FBXL7: variants seen among roughly 807,000 people sequenced by gnomAD.
FBXL7 encodes F-box/LRR-repeat protein 7.
A neutral mutation model predicts 38.3 loss-of-function variants in FBXL7; 12 were observed. The ratio of observed to expected loss-of-function variants is 0.31; its 90% CI spans 0.20 to 0.51. FBXL7 has a LOEUF of 0.51. Ranked by LOEUF, FBXL7 falls within the 20% of genes least tolerant of loss-of-function variation. The pLI, the probability that FBXL7 is intolerant of heterozygous loss-of-function variation, is 0.98. For synonymous variants in FBXL7, 297 were observed against 300.9 expected (o/e 0.99, Z 0.13); for missense variants, 567 against 676.4 (o/e 0.84, Z 1.79).
At chr5:15,757,453 T>G (rs1480386532) in intron 2 of FBXL7, among the ~76,000 whole-genome samples, 1 of 151,870 alleles carries the variant, frequency 6.6e-6, no homozygotes, top group African/African-American at 2.4e-5. Context: ...AAGAGAGTTA[T>G]GGAGTCCAGA....
At chr5:15,663,605 T>A (rs1742164189) in intron 2 of FBXL7, among the ~76,000 whole-genome samples, 1 of 152,182 alleles carries the variant, frequency 6.6e-6, no homozygotes, top group Non-Finnish European at 1.5e-5. Flanking sequence ...TTTAGTTCTG[T>A]GTATGTGATG....
At chr5:15,619,082 C>T (rs565017575) in intron 2 of FBXL7, among the ~76,000 whole-genome samples, 21 of 152,260 alleles carry the variant, frequency 1.4e-4, no homozygotes, top group African/African-American at 5.1e-4. Context: ...GGGTGGTCTT[C>T]CTGCATGCGC....
chr5:15,634,363 C>G (rs1481981526), intron 2 of FBXL7, among the ~76,000 whole-genome samples: 2 of 140,136 alleles, frequency 1.4e-5, no homozygotes, highest in African/African-American at 5.3e-5. Flanking sequence ...GTTCTGTTGC[C>G]CAGTCTGGAG....
At chr5:15,534,249 T>C (rs1357651561) in intron 1 of FBXL7, among the ~76,000 whole-genome samples, 1 of 152,164 alleles carries the variant, frequency 6.6e-6, no homozygotes, top group Non-Finnish European at 1.5e-5. Context: ...TCTTGACAAA[T>C]GTATAGTGAC....
At chr5:15,549,706 A>G (rs1414236033) in intron 1 of FBXL7, among the ~76,000 whole-genome samples, 3 of 152,202 alleles carry the variant, frequency 2.0e-5, no homozygotes, top group Non-Finnish European at 2.9e-5. Flanking sequence ...ATAAGTAGCT[A>G]CATAATATCC....
At chr5:15,554,261 G>A (rs1245148689) in intron 1 of FBXL7, among the ~76,000 whole-genome samples, 3 of 152,124 alleles carry the variant, frequency 2.0e-5, no homozygotes, top group East Asian at 3.9e-4. Flanking sequence ...AGGTGGCAGA[G>A]CTGGAATGGG....
chr5:15,599,866 G>A (rs891955760), intron 1 of FBXL7, among the ~76,000 whole-genome samples: 1 of 152,186 alleles, frequency 6.6e-6, no homozygotes, highest in African/African-American at 2.4e-5. Flanking sequence ...AGAAAGGGTT[G>A]CAGCCTGCAG....
At chr5:15,841,667 T>G (rs1738749627) in intron 2 of FBXL7, among the ~76,000 whole-genome samples, 1 of 152,200 alleles carries the variant, frequency 6.6e-6, no homozygotes, top group Non-Finnish European at 1.5e-5. Flanking sequence ...AAAAATGGTT[T>G]CCTGGGCCAG....
chr5:15,618,086 A>G (rs1265555411), intron 2 of FBXL7, among the ~76,000 whole-genome samples: 1 of 151,874 alleles, frequency 6.6e-6, no homozygotes, highest in African/African-American at 2.4e-5. Flanking sequence ...CCAAAGGGGG[A>G]AAAAATCTCT....
chr5:15,747,342 A>G (rs1736041768), intron 2 of FBXL7, among the ~76,000 whole-genome samples: 1 of 152,150 alleles, frequency 6.6e-6, no homozygotes, highest in Non-Finnish European at 1.5e-5. Flanking sequence ...TGCATGGCCT[A>G]TTCTAAGATC....
At chr5:15,745,531 A>T (rs4489062) in intron 2 of FBXL7, among the ~76,000 whole-genome samples, 134,435 of 152,172 alleles carry the variant, frequency 0.88, 59,552 homozygotes, top group East Asian at 1. Context: ...TGAAGTGAAA[A>T]AAAGTAGAAT....
chr5:15,899,487 G>C (rs1741183329), intron 2 of FBXL7, among the ~76,000 whole-genome samples: 1 of 152,208 alleles, frequency 6.6e-6, no homozygotes, highest in African/African-American at 2.4e-5. Flanking sequence ...TTATCATTGA[G>C]ATAAGCGGAT....
At chr5:15,544,466 TTTTC>T (rs1446313120) in intron 1 of FBXL7, among the ~76,000 whole-genome samples, 3 of 152,334 alleles carry the variant, frequency 2.0e-5, no homozygotes, top group East Asian at 3.9e-4. Flanking sequence ...CAATTACTGT[TTTTC>T]TTTGTCTGGT....
At position 15,807,187 on chromosome 5, in the gene FBXL7, C is replaced by A. The variant is rs1003360359; in HGVS notation, c.128-120703C>A. On this transcript the variant is annotated intron_variant, in intron 2 of 3. Transcript: ENST00000504595. Reference sequence around the variant, plus strand: ...GAACTCCAGACTTCAGGTGACCCACCCTCCTTGGCCTCCCAAAGTGCTGGG... The same window carrying A: ...GAACTCCAGACTTCAGGTGACCCACACTCCTTGGCCTCCCAAAGTGCTGGG... Among the ~76,000 whole-genome samples, 9 of 152,266 alleles carry A rather than the reference C, an allele frequency of 5.9e-5. No individual in the cohort carries two copies. The East Asian group carries it at 1.7e-3, about 29-fold the overall frequency.
intron 2 of FBXL7, among the ~76,000 whole-genome samples, chr5:15,648,730 A>G (rs1741614787): frequency 3.3e-5 from 5 of 152,112 alleles, no homozygotes; most frequent in Admixed American, 3.3e-4. Context: ...CATGCCTCCC[A>G]TCCTCTAGCC....
intron 2 of FBXL7, among the ~76,000 whole-genome samples, chr5:15,921,454 T>C (rs746037635): frequency 1.3e-5 from 2 of 152,004 alleles, no homozygotes; most frequent in Non-Finnish European, 2.9e-5. Context: ...TTCAGATCTG[T>C]CTGTCCATGT....
At chr5:15,731,346 G>A (rs1032938430) in intron 2 of FBXL7, among the ~76,000 whole-genome samples, 2 of 151,848 alleles carry the variant, frequency 1.3e-5, no homozygotes, top group Non-Finnish European at 1.5e-5. Context: ...CATGGATAGC[G>A]ACAGGCAAAG....
Position 15,504,070 on chromosome 5 carries a change from A to G in FBXL7, c.37+3357A>G, listed in dbSNP as rs553800043. Among the ~76,000 whole-genome samples, 6 of 152,372 alleles carry G rather than the reference A, an allele frequency of 3.9e-5. No homozygotes were observed. In the South Asian group the frequency reaches 6.2e-4, roughly 16 times the overall value. On this transcript the variant is annotated intron_variant, in intron 1 of 3. Transcript: ENST00000504595. ...CACCTGGGAGCTTGTCAAAAATGCA[A>G]AACTACTCCATCATTTATCACGTGC... is the stretch of plus-strand genomic sequence containing the variant.
intron 2 of FBXL7, among the ~76,000 whole-genome samples, chr5:15,807,330 G>A (rs1362047883): frequency 1.3e-5 from 2 of 152,158 alleles, no homozygotes; most frequent in African/African-American, 4.8e-5. Context: ...GCTGGTACTT[G>A]GAGTTAGGCA....
Sources: gnomAD v4.1 joint callset for allele counts (sites outside exome capture counted in the v4.1 genomes callset) on GRCh38, gnomAD v4.1.1 for gene constraint, MANE v1.5 for transcripts, NCBI Gene and HGNC (gene_info 2026-07-23, HGNC 2026-07-21) for gene names.